PTPRK: variants seen among roughly 807,000 people sequenced by gnomAD.
The protein encoded by PTPRK is receptor-type tyrosine-protein phosphatase kappa.
PTPRK carries 75 observed loss-of-function variants against 178.0 expected under a neutral mutation model. The ratio of observed to expected loss-of-function variants is 0.42; its 90% CI spans 0.35 to 0.51. The LOEUF (loss-of-function observed/expected upper bound fraction) is 0.51. PTPRK is among the 20% of genes least tolerant of loss of function. The probability of loss-of-function intolerance (pLI) is 0.02; values close to 1 mark genes in which losing one functional copy is unlikely to be tolerated. For synonymous variants in PTPRK, 637 were observed against 620.6 expected (o/e 1.03, Z -0.39); for missense variants, 1,441 against 1,797.8 (o/e 0.80, Z 3.59).
At chr6:128,514,567 G>T (rs1489943975) in intron 1 of PTPRK, among the ~76,000 whole-genome samples, 2 of 152,154 alleles carry the variant, frequency 1.3e-5, no homozygotes, top group Admixed American at 1.3e-4. Context: ...GCACTGCCCT[G>T]TTCATCATTT....
intron 7 of PTPRK, among the ~76,000 whole-genome samples, chr6:128,176,163 G>A (rs1425998276): frequency 6.6e-6 from 1 of 151,744 alleles, no homozygotes; most frequent in African/African-American, 2.4e-5. Flanking sequence ...ATATATATAT[G>A]CATATGTGTG....
chr6:128,455,147 C>T (rs139549053), intron 1 of PTPRK, among the ~76,000 whole-genome samples: 2,518 of 152,104 alleles, frequency 0.017, 30 homozygotes, highest in Non-Finnish European at 0.027. Flanking sequence ...TTATTGTATA[C>T]AAAATTATTA....
chr6:128,301,385 A>G (rs1825584158), intron 3 of PTPRK, among the ~76,000 whole-genome samples: 1 of 152,134 alleles, frequency 6.6e-6, no homozygotes, highest in Non-Finnish European at 1.5e-5. Flanking sequence ...AAAAAAAATA[A>G]TAGGTAAAAG....
intron 3 of PTPRK, among the ~76,000 whole-genome samples, chr6:128,276,148 T>G (rs1820689737): frequency 6.6e-6 from 1 of 152,092 alleles, no homozygotes; most frequent in African/African-American, 2.4e-5. Context: ...TACTAAATTA[T>G]TCAACAACAA....
intron 1 of PTPRK, among the ~76,000 whole-genome samples, chr6:128,399,814 A>C (rs963101777): frequency 6.6e-6 from 1 of 152,242 alleles, no homozygotes; most frequent in African/African-American, 2.4e-5. Flanking sequence ...AACTAGGAGT[A>C]GCTGTACAAA....
chr6:128,290,905 T>C (rs1823269228), intron 3 of PTPRK, among the ~76,000 whole-genome samples: 1 of 152,144 alleles, frequency 6.6e-6, no homozygotes, highest in Non-Finnish European at 1.5e-5. Flanking sequence ...TAATATACTT[T>C]ATCTTTTTTT....
At chr6:128,408,087 T>A (rs959387733) in intron 1 of PTPRK, among the ~76,000 whole-genome samples, 1 of 152,180 alleles carries the variant, frequency 6.6e-6, no homozygotes, top group Non-Finnish European at 1.5e-5. Context: ...CAAGTAATTA[T>A]TAAAAATAAA....
chr6:128,447,987 T>C (rs942857739), intron 1 of PTPRK, among the ~76,000 whole-genome samples: 4 of 152,292 alleles, frequency 2.6e-5, no homozygotes, highest in African/African-American at 4.8e-5. Flanking sequence ...TTTGGAAATA[T>C]TGGGGCCAAA....
At chr6:128,384,305 C>A (rs1216997669) in intron 2 of PTPRK, among the ~76,000 whole-genome samples, 2 of 152,042 alleles carry the variant, frequency 1.3e-5, no homozygotes, top group African/African-American at 2.4e-5. Flanking sequence ...GGTTTAAAAA[C>A]CAAATTTAAT....
intron 7 of PTPRK, among the ~76,000 whole-genome samples, chr6:128,115,639 C>T (rs1282873168): frequency 6.6e-6 from 1 of 151,930 alleles, no homozygotes; most frequent in Admixed American, 6.6e-5. Context: ...GAATGCTAAT[C>T]CCTATATTAC....
chr6:128,432,772 A>ACACACC (rs965738083), intron 1 of PTPRK, among the ~76,000 whole-genome samples: 2 of 150,830 alleles, frequency 1.3e-5, no homozygotes, highest in African/African-American at 2.4e-5. Flanking sequence ...ACACACACAC[A>ACACACC]CCCTAACTCA....
intron 2 of PTPRK, among the ~76,000 whole-genome samples, chr6:128,394,113 G>A (rs1418781916): frequency 6.6e-6 from 1 of 152,098 alleles, no homozygotes; most frequent in Non-Finnish European, 1.5e-5. Flanking sequence ...TTATATAAAT[G>A]TATATAATAC....
At chr6:128,050,822 C>T (rs1277506522) in intron 13 of PTPRK, among the ~76,000 whole-genome samples, 1 of 152,284 alleles carries the variant, frequency 6.6e-6, no homozygotes, top group East Asian at 1.9e-4. Flanking sequence ...ATTACAGGCA[C>T]GAGTCATGGC....
At chr6:128,408,396 AC>A (rs1171650050) in intron 1 of PTPRK, among the ~76,000 whole-genome samples, 79 of 152,208 alleles carry the variant, frequency 5.2e-4, no homozygotes, top group Middle Eastern at 6.8e-3. Context: ...AAACAAACAA[AC>A]AAACAAAAAC....
chr6:128,396,228 A>C (rs1840281898), intron 2 of PTPRK, among the ~76,000 whole-genome samples: 1 of 151,130 alleles, frequency 6.6e-6, no homozygotes, highest in African/African-American at 2.4e-5. Context: ...ATTAATTCTA[A>C]ACCATTTTTA....
chr6:128,234,960 A>C (rs1196039965), intron 5 of PTPRK, among the ~76,000 whole-genome samples: 1 of 152,200 alleles, frequency 6.6e-6, no homozygotes, highest in Non-Finnish European at 1.5e-5. Context: ...CCATAGGGTG[A>C]CTATAGTTAA....
intron 3 of PTPRK, among the ~76,000 whole-genome samples, chr6:128,272,909 C>T (rs1048346276): frequency 2.0e-5 from 3 of 152,146 alleles, no homozygotes; most frequent in Admixed American, 6.5e-5. Context: ...CACACGGACA[C>T]GTATGTTTAT....
chr6:128,001,116 C>T, intron 15 of PTPRK: 25 of 1,175,744 alleles, frequency 2.1e-5, no homozygotes, highest in Non-Finnish European at 2.9e-5. Flanking sequence ...AATCATTATC[C>T]TTATTATACA....
chr6:128,078,071 T>A (rs1784148460), intron 11 of PTPRK, among the ~76,000 whole-genome samples: 1 of 151,976 alleles, frequency 6.6e-6, no homozygotes, highest in Non-Finnish European at 1.5e-5. Flanking sequence ...ACAGGAGTTA[T>A]TTTCTCATCC....
Sources: gnomAD v4.1 joint callset for allele counts (sites outside exome capture counted in the v4.1 genomes callset) on GRCh38, gnomAD v4.1.1 for gene constraint, MANE v1.5 for transcripts, NCBI Gene and HGNC (gene_info 2026-07-23, HGNC 2026-07-21) for gene names.